The following PRDM16 variants were observed in gnomAD, a reference collection of about 807,000 sequenced individuals.
PRDM16 encodes the protein histone-lysine N-methyltransferase PRDM16.
In PRDM16, 23 loss-of-function variants were observed where a neutral mutation model predicts 110.6. The observed-to-expected ratio is 0.21, with a 90% CI of 0.15 to 0.29. The LOEUF (loss-of-function observed/expected upper bound fraction) is 0.29, where lower values mean the gene tolerates loss of function less well. Ranked by LOEUF, PRDM16 falls within the 10% of genes least tolerant of loss-of-function variation. The pLI is 1.00. For missense variants in PRDM16, 1,615 were observed against 1,794.3 expected, an observed-to-expected ratio of 0.90 and a Z score of 1.81; for synonymous variants, 799 against 781.8, an observed-to-expected ratio of 1.02 and a Z score of -0.37.
intron 14 of PRDM16, among the ~76,000 whole-genome samples, chr1:3,426,915 G>A (rs909883625): frequency 2.6e-5 from 4 of 151,990 alleles, no homozygotes; most frequent in South Asian, 2.1e-4. Context: ...CCCCAAATAC[G>A]GGCATGCACG....
intron 10 of PRDM16, among the ~76,000 whole-genome samples, chr1:3,415,088 A>G (rs1643757089): frequency 6.6e-6 from 1 of 152,116 alleles, no homozygotes; most frequent in Non-Finnish European, 1.5e-5. Context: ...GCATGCAGAG[A>G]GGGGCATGGA....
At chr1:3,237,724 G>A (rs1639569796) in intron 2 of PRDM16, among the ~76,000 whole-genome samples, 1 of 152,236 alleles carries the variant, frequency 6.6e-6, no homozygotes, top group Admixed American at 6.5e-5. Flanking sequence ...CAGGCCAAGG[G>A]GCAGCACTCA....
rs1638865563 is a variant in PRDM16, at chr1:3,434,883, AC to A, written c.*1076del. 5 of 231,706 alleles carry A rather than the reference AC, an allele frequency of 2.2e-5. No individual in the cohort carries two copies. Among genetic ancestry groups the A allele is most frequent in the Admixed American group, 5.6e-5 (1 of 17,718 alleles). The allele number at this position is 231,706 out of a possible 1,614,324, so 14.4% of individuals were successfully genotyped here. On this transcript the variant is annotated 3_prime_UTR_variant, in exon 17 of 17. Transcript: ENST00000270722. Reference sequence around the variant, plus strand: ...TCCTGGGTCTCCCACCTCCCACCTGACCCCAGCGGCTCCGGTGTCCTCCACG... The same window carrying A: ...TCCTGGGTCTCCCACCTCCCACCTGACCCAGCGGCTCCGGTGTCCTCCACG...
rs568148744 is a variant in PRDM16, at chr1:3,187,969, G to A, written c.387+1495G>A. Reference sequence around the variant, plus strand: ...CCCAACGAGAGGCAGAGGACAGTGTGTGTGGGCCCAAGGTCGGGTCACCTT... The same window carrying A: ...CCCAACGAGAGGCAGAGGACAGTGTATGTGGGCCCAAGGTCGGGTCACCTT... On this transcript the variant is annotated intron_variant, in intron 2 of 16. Transcript: ENST00000270722. 1.9e-3 allele frequency among the ~76,000 whole-genome samples: 284 copies of A among 152,348 alleles called. 2 individuals carry two copies. Among genetic ancestry groups the A allele is most frequent in the African/African-American group, 6.4e-3 (268 of 41,584 alleles).
intron 1 of PRDM16, chr1:3,133,367 T>A (rs1643373258): frequency 6.6e-6 from 1 of 152,268 alleles, no homozygotes; most frequent in Non-Finnish European, 1.5e-5. Flanking sequence ...CCTGTAAGAC[T>A]GTGTTCAGAG....
In PRDM16 at chr1:3,255,361, G is replaced by A. The variant is rs1171427571; in HGVS notation, c.438+11224G>A. On this transcript the variant is annotated intron_variant, in intron 3 of 16. Transcript: ENST00000270722. The surrounding 1 kb of genome is among the most constrained non-coding windows in gnomAD (Gnocchi z 4.7). ...GCAGACCCCACAGTGGGGTCCTGAG[G>A]GTCGCGTGCAGCACACAGCCTCCCA... 6.6e-6 allele frequency among the ~76,000 whole-genome samples: 1 copy of A among 152,178 alleles called. No individual in the cohort carries two copies. Among genetic ancestry groups the A allele is most frequent in the Non-Finnish European group, 1.5e-5 (1 of 68,026 alleles).
At chr1:3,267,162 G>A (rs1640314485) in intron 3 of PRDM16, among the ~76,000 whole-genome samples, 1 of 152,142 alleles carries the variant, frequency 6.6e-6, no homozygotes, top group South Asian at 2.1e-4. Flanking sequence ...GTACCCGTGA[G>A]CAGCCACGCC....
At chr1:3,374,515 C>G (rs1037673178) in intron 3 of PRDM16, among the ~76,000 whole-genome samples, 1 of 152,232 alleles carries the variant, frequency 6.6e-6, no homozygotes, top group Non-Finnish European at 1.5e-5. Context: ...CCACCGGCCC[C>G]GCACAGCAGC....
chr1:3,172,760 A>G (rs1173733775), intron 1 of PRDM16, among the ~76,000 whole-genome samples: 1 of 152,210 alleles, frequency 6.6e-6, no homozygotes, highest in Non-Finnish European at 1.5e-5. Context: ...ATAGAGACGG[A>G]AAGTAGAATG....
intron 1 of PRDM16, among the ~76,000 whole-genome samples, chr1:3,140,723 G>A (rs1285524049): frequency 6.6e-6 from 1 of 152,238 alleles, no homozygotes; most frequent in Non-Finnish European, 1.5e-5. Context: ...CCTCCCAGGT[G>A]TGAGGGTGGG....
At chr1:3,099,903 A>G (rs1482637348) in intron 1 of PRDM16, among the ~76,000 whole-genome samples, 1 of 152,132 alleles carries the variant, frequency 6.6e-6, no homozygotes, top group African/African-American at 2.4e-5. Context: ...GAGGACCTGA[A>G]GGCTCTCATG....
chr1:3,423,522 C>A (rs1311705627), intron 12 of PRDM16, among the ~76,000 whole-genome samples: 1 of 152,184 alleles, frequency 6.6e-6, no homozygotes, highest in African/African-American at 2.4e-5. Context: ...CAGCCCCTCC[C>A]GGTCTGGGAG....
intron 1 of PRDM16, among the ~76,000 whole-genome samples, chr1:3,118,120 C>T (rs141860785): frequency 5.0e-4 from 73 of 146,012 alleles, no homozygotes; most frequent in South Asian, 3.5e-3. Context: ...TGTGCGTGTG[C>T]GTGTGTGCGT....
chr1:3,284,786 G>A (rs898768424), intron 3 of PRDM16, among the ~76,000 whole-genome samples: 1 of 152,216 alleles, frequency 6.6e-6, no homozygotes, highest in African/African-American at 2.4e-5. Context: ...TGAGCCTGGG[G>A]TGGCCAAGCC....
At position 3,411,736 on chromosome 1, in the gene PRDM16, C is replaced by G; in HGVS notation, c.1539C>G (p.Gly513=). ...APPTFPALTP[G]FPGIFPPSLY... ...CCACGTTCCCCGCACTCACCCCCGG[C>G]TTCCCGGGCATCTTCCCTCCATCCT... The change falls in exon 9 of 17, where the codon GGC becomes GGG. Residue 513 remains glycine (G), a synonymous_variant. Coordinates refer to ENST00000270722, the MANE Select transcript of PRDM16 (RefSeq NM_022114.4). 6.2e-7 allele frequency: 1 copy of G among 1,611,732 alleles called. No individual in the cohort carries two copies. Among genetic ancestry groups the G allele is most frequent in the Non-Finnish European group, 8.5e-7 (1 of 1,178,968 alleles).
At chr1:3,314,331 G>A (rs540640389) in intron 3 of PRDM16, among the ~76,000 whole-genome samples, 3 of 152,268 alleles carry the variant, frequency 2.0e-5, no homozygotes, top group African/African-American at 4.8e-5. Flanking sequence ...TTCTGAAATC[G>A]GTCCTGGAAA....
intron 3 of PRDM16, among the ~76,000 whole-genome samples, chr1:3,357,552 C>CCGTGTGCACGCAAAGACG (rs1557630813): frequency 1.3e-5 from 2 of 151,690 alleles, no homozygotes; most frequent in African/African-American, 4.9e-5. Flanking sequence ...ATCCAGGAAG[C>CCGTGTGCACGCAAAGACG]GCCGTTCCCC....
At chr1:3,106,517 T>C (rs1409780791) in intron 1 of PRDM16, among the ~76,000 whole-genome samples, 1 of 151,984 alleles carries the variant, frequency 6.6e-6, no homozygotes, top group East Asian at 1.9e-4. Flanking sequence ...GAGGCAGGGA[T>C]GGGGATCCTG....
At chr1:3,378,839 T>C (rs1357797762) in intron 3 of PRDM16, among the ~76,000 whole-genome samples, 2 of 152,052 alleles carry the variant, frequency 1.3e-5, no homozygotes, top group African/African-American at 4.8e-5. Context: ...AGCATTTCTC[T>C]GATCTGAGAC....
Sources: allele counts gnomAD v4.1 joint callset (sites outside exome capture counted in the v4.1 genomes callset), GRCh38; gene constraint gnomAD v4.1.1; non-coding constraint Gnocchi (gnomAD v3.1); transcripts MANE v1.5; gene names NCBI Gene and HGNC (gene_info 2026-07-23, HGNC 2026-07-21).